The following RSRC2 variants were observed in gnomAD, a reference collection of about 807,000 sequenced individuals.
The protein encoded by RSRC2 is arginine and serine rich coiled-coil 2.
Under a neutral mutation model 61.3 loss-of-function variants are expected in RSRC2, and 5 were observed. That is an observed-to-expected ratio of 0.08 (90% confidence interval 0.04 to 0.17). The LOEUF is 0.17. Ranked by LOEUF, RSRC2 falls within the 10% of genes least tolerant of loss-of-function variation. The probability of loss-of-function intolerance (pLI) is 1.00; values close to 1 mark genes in which losing one functional copy is unlikely to be tolerated. For missense variants in RSRC2, 381 were observed against 518.8 expected, an observed-to-expected ratio of 0.73 and a Z score of 2.58; for synonymous variants, 202 against 166.5, an observed-to-expected ratio of 1.21 and a Z score of -1.64.
At chr12:122,515,375 T>C in intron 5 of RSRC2, 148 bp from the exon 6 acceptor site, 1 of 750,676 alleles carries the variant, frequency 1.3e-6, no homozygotes, top group Non-Finnish European at 2.1e-6. Context: ...GTGTTACAGC[T>C]GAACTCATTG....
intron 9 of RSRC2, 166 bp downstream of exon 9, chr12:122,506,668 T>A: frequency 1.7e-6 from 1 of 600,566 alleles, no homozygotes; most frequent in Non-Finnish European, 3.0e-6. Context: ...GTAGGGGAGA[T>A]GGAAATGTTT....
At chr12:122,511,831 C>A (rs1057245163) in intron 6 of RSRC2, among the ~76,000 whole-genome samples, 1 of 151,718 alleles carries the variant, frequency 6.6e-6, no homozygotes, top group Non-Finnish European at 1.5e-5. Flanking sequence ...TTTTTTGAGA[C>A]AGTCTCACTC....
At chr12:122,513,953 G>A (rs556599328) in intron 6 of RSRC2, 10 of 224,504 alleles carry the variant, frequency 4.5e-5, no homozygotes, top group Admixed American at 6.5e-5. Flanking sequence ...GATTGCTTGG[G>A]CCCAGGAATT....
intron 6 of RSRC2, chr12:122,514,511 C>A (rs926289255): frequency 2.7e-4 from 208 of 777,778 alleles, no homozygotes; most frequent in Non-Finnish European, 3.1e-4. Context: ...AGTGATCCGC[C>A]CGCCTCGGCC....
intron 6 of RSRC2, among the ~76,000 whole-genome samples, chr12:122,513,223 A>ATAAATAAT (rs1395500560): frequency 4.0e-5 from 4 of 100,492 alleles, no homozygotes; most frequent in African/African-American, 1.5e-4. Context: ...AAATAAATAA[A>ATAAATAAT]TAAATAAATA....
chr12:122,514,605 C>T (rs1958773209), intron 6 of RSRC2: 2 of 1,031,676 alleles, frequency 1.9e-6, no homozygotes, highest in Non-Finnish European at 2.3e-6. Flanking sequence ...AAAAGTTCTC[C>T]CATAGTTACC....
At chr12:122,509,004 G>C (rs185028751) in intron 7 of RSRC2, among the ~76,000 whole-genome samples, 12 of 151,950 alleles carry the variant, frequency 7.9e-5, no homozygotes, top group African/African-American at 2.9e-4. Context: ...AGAGAATTCT[G>C]CAAATAGTAA....
intron 9 of RSRC2, 146 bp downstream of exon 9, chr12:122,506,688 A>G: frequency 1.6e-6 from 1 of 643,738 alleles, no homozygotes; most frequent in Non-Finnish European, 2.8e-6. Flanking sequence ...TCAGAATGGG[A>G]TTGCTTGTTA....
chr12:122,510,777 T>G (rs186701746), intron 7 of RSRC2, among the ~76,000 whole-genome samples: 196 of 152,374 alleles, frequency 1.3e-3, no homozygotes, highest in African/African-American at 4.3e-3. Flanking sequence ...CTGGGTGCAG[T>G]GGCTCATGCC....
chr12:122,509,327 A>G (rs189833849), intron 7 of RSRC2, among the ~76,000 whole-genome samples: 17 of 151,398 alleles, frequency 1.1e-4, no homozygotes, highest in East Asian at 1.9e-4. Flanking sequence ...GCAGGCGCCT[A>G]TAAGCCCAGG....
At chr12:122,515,860 G>C (rs1015160733) in intron 5 of RSRC2, among the ~76,000 whole-genome samples, 1 of 152,016 alleles carries the variant, frequency 6.6e-6, no homozygotes, top group African/African-American at 2.4e-5. Flanking sequence ...GTGATGCTGG[G>C]TGCCTGTAAT....
intron 1 of RSRC2, among the ~76,000 whole-genome samples, chr12:122,525,801 G>GTTTTTTTTTTTTT (rs1169838098): frequency 4.7e-5 from 1 of 21,502 alleles, no homozygotes; most frequent in African/African-American, 3.7e-4. Flanking sequence ...TCAACGAAGA[G>GTTTTTTTTTTTTT]TTTTTTTTTT....
Position 122,517,469 on chromosome 12 carries a change from TTG to T in RSRC2, c.399-41_399-40del. The T allele has an allele frequency of 2.5e-6, 4 of 1,612,580 alleles. No homozygotes were observed. In the East Asian group the frequency reaches 8.9e-5, roughly 36 times the overall value. On this transcript the variant is annotated intron_variant, in intron 4 of 9. Transcript: ENST00000331738. ...GCACAAATTTGTAATTACTTAAAAGTTGTGTTGTTTCATTTATACACATCATG... is the reference window on the plus strand; with the variant it reads ...GCACAAATTTGTAATTACTTAAAAGTTGTTGTTTCATTTATACACATCATG...
At chr12:122,526,608 G>A (rs1035160188) in intron 1 of RSRC2, among the ~76,000 whole-genome samples, 5 of 151,988 alleles carry the variant, frequency 3.3e-5, no homozygotes, top group Non-Finnish European at 4.4e-5. Flanking sequence ...CGTAGGGTTG[G>A]GGAAGAGAGG....
chr12:122,512,216 T>C (rs1429166356), intron 6 of RSRC2, among the ~76,000 whole-genome samples: 1 of 152,238 alleles, frequency 6.6e-6, no homozygotes, highest in Non-Finnish European at 1.5e-5. Context: ...AGTTTACCCT[T>C]TCTATATAGC....
intron 3 of RSRC2, chr12:122,520,342 A>C: frequency 2.6e-6 from 1 of 381,508 alleles, no homozygotes; most frequent in Non-Finnish European, 4.9e-6. Context: ...AACGAGGCAG[A>C]CTGGAAAAGT....
chr12:122,507,415 TA>T (rs1302373441), intron 8 of RSRC2, among the ~76,000 whole-genome samples: 1 of 152,080 alleles, frequency 6.6e-6, no homozygotes, highest in Non-Finnish European at 1.5e-5. Context: ...AAAAATGGAT[TA>T]TTTTCCTGTC....
At chr12:122,521,304 C>T (rs569706202) in intron 3 of RSRC2, 81 bp downstream of exon 3, 3 of 1,041,728 alleles carry the variant, frequency 2.9e-6, no homozygotes, top group South Asian at 1.4e-5. Context: ...ACCTTGACAA[C>T]GTCTTATATT....
chr12:122,520,283 C>A, intron 3 of RSRC2: 1 of 261,882 alleles, frequency 3.8e-6, no homozygotes, highest in Non-Finnish European at 7.7e-6. Flanking sequence ...AGTTTCATTG[C>A]CAGTTCTCTA....
Sources: gnomAD v4.1 joint callset for allele counts (sites outside exome capture counted in the v4.1 genomes callset) on GRCh38, gnomAD v4.1.1 for gene constraint, MANE v1.5 for transcripts, NCBI Gene and HGNC (gene_info 2026-07-23, HGNC 2026-07-21) for gene names.